IGF1R: variants seen among roughly 807,000 people sequenced by gnomAD.
The protein encoded by IGF1R is insulin-like growth factor 1 receptor.
In IGF1R, 44 loss-of-function variants were observed where a neutral mutation model predicts 144.6. The ratio of observed to expected loss-of-function variants is 0.30; its 90% confidence interval spans 0.24 to 0.39. The LOEUF (loss-of-function observed/expected upper bound fraction) is 0.39, where lower values mean the gene tolerates loss of function less well. Ranked by LOEUF, IGF1R falls within the 10% of genes least tolerant of loss-of-function variation. The pLI is 1.00. For synonymous variants in IGF1R, 795 were observed against 722.8 expected (o/e 1.10, Z -1.60); for missense variants, 1,355 against 1,833.7 (o/e 0.74, Z 4.77).
intron 2 of IGF1R, among the ~76,000 whole-genome samples, chr15:98,879,972 G>A (rs886987718): frequency 6.6e-6 from 1 of 152,218 alleles, no homozygotes; most frequent in African/African-American, 2.4e-5. Context: ...GCCTGGGAAA[G>A]GGGCGTGGGA....
chr15:98,708,959 C>G (rs1349701284), intron 2 of IGF1R, among the ~76,000 whole-genome samples: 2 of 152,200 alleles, frequency 1.3e-5, no homozygotes, highest in Admixed American at 6.5e-5. Flanking sequence ...TAACTGAGCT[C>G]TTGCCTTCAT....
chr15:98,773,754 G>C (rs2055647387), intron 2 of IGF1R, among the ~76,000 whole-genome samples: 1 of 152,182 alleles, frequency 6.6e-6, no homozygotes, highest in Admixed American at 6.5e-5. Context: ...GCTCAGAACT[G>C]TGGTTTGGTG....
intron 1 of IGF1R, among the ~76,000 whole-genome samples, chr15:98,685,360 C>G (rs183886985): frequency 1.3e-5 from 2 of 152,256 alleles, no homozygotes; most frequent in East Asian, 1.9e-4. Flanking sequence ...CTTTAGATGC[C>G]TGGATGCTTA....
intron 2 of IGF1R, among the ~76,000 whole-genome samples, chr15:98,852,724 G>T (rs1309829016): frequency 1.3e-5 from 2 of 152,170 alleles, no homozygotes; most frequent in Non-Finnish European, 2.9e-5. Context: ...TCCGCCTCCC[G>T]CCGTCGCTGC....
At chr15:98,684,892 G>C (rs533032086) in intron 1 of IGF1R, among the ~76,000 whole-genome samples, 56 of 147,444 alleles carry the variant, frequency 3.8e-4, no homozygotes, top group Non-Finnish European at 7.9e-4. Context: ...ACCCCACACT[G>C]TAGGCTCCCT....
intron 2 of IGF1R, among the ~76,000 whole-genome samples, chr15:98,741,196 T>G (rs1223069855): frequency 6.6e-6 from 1 of 151,586 alleles, no homozygotes. Flanking sequence ...CTGTCTCCAT[T>G]GCAGTTCTGT....
chr15:98,776,184 A>AT (rs1188499224), intron 2 of IGF1R, among the ~76,000 whole-genome samples: 3 of 150,412 alleles, frequency 2.0e-5, no homozygotes, highest in Non-Finnish European at 4.4e-5. Context: ...TTTATTATTT[A>AT]TTTTTTTATT....
At chr15:98,943,277 A>T (rs2016432040) in intron 19 of IGF1R, among the ~76,000 whole-genome samples, 1 of 152,238 alleles carries the variant, frequency 6.6e-6, no homozygotes, top group East Asian at 1.9e-4. Context: ...TTATGGGACC[A>T]ACATTCTTTC....
At chr15:98,730,027 G>A (rs2054461303) in intron 2 of IGF1R, among the ~76,000 whole-genome samples, 1 of 152,216 alleles carries the variant, frequency 6.6e-6, no homozygotes, top group African/African-American at 2.4e-5. Context: ...ATTTGTGTCA[G>A]TGGCTCCCTT....
At chr15:98,889,303 G>C (rs141677132) in intron 2 of IGF1R, among the ~76,000 whole-genome samples, 1 of 152,274 alleles carries the variant, frequency 6.6e-6, no homozygotes, top group African/African-American at 2.4e-5. Flanking sequence ...GCATGTCCAA[G>C]TTCTGATATC....
At chr15:98,652,450 A>G (rs2052391272) in intron 1 of IGF1R, among the ~76,000 whole-genome samples, 1 of 152,260 alleles carries the variant, frequency 6.6e-6, no homozygotes, top group African/African-American at 2.4e-5. Context: ...AAGAACCTAA[A>G]CAGCAAATTA....
At chr15:98,790,892 AAAAC>A (rs1354292759) in intron 2 of IGF1R, among the ~76,000 whole-genome samples, 1 of 152,230 alleles carries the variant, frequency 6.6e-6, no homozygotes, top group Non-Finnish European at 1.5e-5. Context: ...TATAATGCCT[AAAAC>A]AAAGCAGAAA....
chr15:98,956,144 G>C (rs574154047), intron 20 of IGF1R, among the ~76,000 whole-genome samples: 13 of 152,332 alleles, frequency 8.5e-5, no homozygotes, highest in Admixed American at 5.9e-4. Flanking sequence ...TTGTCCACGT[G>C]TGGCCGGCTG....
At chr15:98,918,086 C>T (rs1567198064) in intron 10 of IGF1R, among the ~76,000 whole-genome samples, 1 of 151,868 alleles carries the variant, frequency 6.6e-6, no homozygotes, top group African/African-American at 2.4e-5. Context: ...AAGGATTAGC[C>T]CAGTAGTGTG....
At chr15:98,662,760 T>G (rs1235158377) in intron 1 of IGF1R, among the ~76,000 whole-genome samples, 1 of 152,106 alleles carries the variant, frequency 6.6e-6, no homozygotes, top group Non-Finnish European at 1.5e-5. Flanking sequence ...GACTTTAGTG[T>G]GCCCTAAATA....
intron 2 of IGF1R, among the ~76,000 whole-genome samples, chr15:98,717,651 AT>A (rs1347578775): frequency 6.6e-6 from 1 of 152,008 alleles, no homozygotes; most frequent in Non-Finnish European, 1.5e-5. Flanking sequence ...AACTCTATTT[AT>A]TTGGTTCCGA....
At chr15:98,928,275 G>C (rs1323066338) in intron 13 of IGF1R, among the ~76,000 whole-genome samples, 1 of 152,304 alleles carries the variant, frequency 6.6e-6, no homozygotes. Context: ...AGTCTGCCTG[G>C]TGTAAAGACA....
At position 98,777,778 on chromosome 15, in the gene IGF1R, CA is replaced by C. The variant is rs532344995; in HGVS notation, c.640+69672del. Among the ~76,000 whole-genome samples the C allele has an allele frequency of 1.3e-3, 192 of 152,326 alleles. 1 individual carries two copies. Among genetic ancestry groups the C allele is most frequent in the Non-Finnish European group, 1.8e-3 (124 of 68,036 alleles). On this transcript the variant is annotated intron_variant, in intron 2 of 20. Transcript: ENST00000650285. ...ACAGATGTAAGATGAGGTCTGCACT[CA>C]CTTGCCTGGTCATGCAGAGACGGAG...
chr15:98,953,491 G>T (rs577900437), intron 20 of IGF1R, among the ~76,000 whole-genome samples: 1 of 152,160 alleles, frequency 6.6e-6, no homozygotes, highest in African/African-American at 2.4e-5. Flanking sequence ...CTCTGGGTGC[G>T]TGCTGACCCT....
Sources: allele counts gnomAD v4.1 joint callset (sites outside exome capture counted in the v4.1 genomes callset), GRCh38; gene constraint gnomAD v4.1.1; transcripts MANE v1.5; gene names NCBI Gene and HGNC (gene_info 2026-07-23, HGNC 2026-07-21).